The following LCORL variants were observed in gnomAD, a reference collection of about 807,000 sequenced individuals.
LCORL encodes the protein ligand dependent nuclear receptor corepressor like.
A neutral mutation model predicts 141.8 loss-of-function variants in LCORL; 41 were observed. The ratio of observed to expected loss-of-function variants is 0.29; its 90% confidence interval spans 0.23 to 0.38. The LOEUF (loss-of-function observed/expected upper bound fraction) is 0.38. Ranked by LOEUF, LCORL falls within the 10% of genes least tolerant of loss-of-function variation. The pLI is 1.00. For missense variants in LCORL, 1,759 were observed against 2,035.0 expected, an observed-to-expected ratio of 0.86 and a Z score of 2.61; for synonymous variants, 618 against 694.1, an observed-to-expected ratio of 0.89 and a Z score of 1.72.
chr4:17,919,491 G>A (rs1278564556), intron 4 of LCORL, among the ~76,000 whole-genome samples: 1 of 152,172 alleles, frequency 6.6e-6, no homozygotes, highest in Admixed American at 6.5e-5. Context: ...TGCAGGTTCA[G>A]TTCCAGATGA....
chr4:17,945,901 T>C (rs1339773683), intron 4 of LCORL, among the ~76,000 whole-genome samples: 1 of 151,868 alleles, frequency 6.6e-6, no homozygotes, highest in Non-Finnish European at 1.5e-5. Context: ...ACATAACCAC[T>C]GTTTTAAACA....
At chr4:17,922,803 C>A (rs7686934) in intron 4 of LCORL, among the ~76,000 whole-genome samples, 11,269 of 152,194 alleles carry the variant, frequency 0.074, 951 homozygotes, top group African/African-American at 0.21. Context: ...GCTGGGAACA[C>A]TGAGCTCCTA....
At chr4:17,881,271 A>G (rs996847363) in intron 6 of LCORL, 1 of 982,436 alleles carries the variant, frequency 1.0e-6, no homozygotes, top group Non-Finnish European at 1.2e-6. Flanking sequence ...GAAAATTGTC[A>G]ATTAATAAAT....
At chr4:17,962,831 A>G (rs1304903013) in intron 3 of LCORL, 139 bp downstream of exon 3, 1 of 429,622 alleles carries the variant, frequency 2.3e-6, no homozygotes, top group East Asian at 3.6e-5. Context: ...TGACTTTAAA[A>G]TATTATTTTC....
Position 17,867,040 on chromosome 4 carries a change from T to C in LCORL, c.5602+6348A>G, listed in dbSNP as rs978564635. On this transcript the variant is annotated intron_variant, in intron 7 of 7. Transcript: ENST00000635767. ...AGGTCTGGAGGCTGCAGGGAGAGAA[T>C]AAAGATTTACAAAACAGAATACAAC... 2.6e-5 allele frequency: 25 copies of C among 962,098 alleles called. No homozygotes were observed. The African/African-American group carries it at 3.7e-4, about 14-fold the overall frequency. The allele number at this position is 962,098 out of a possible 1,614,324, so 59.6% of individuals were successfully genotyped here. A position where few individuals can be genotyped will look rare whatever the true frequency, so the allele number is the denominator to read the frequency against.
At chr4:17,842,794 T>TA (rs763229422) in exon 8 of LCORL, 133 of 168,976 alleles carry the variant, frequency 7.9e-4, no homozygotes, top group Middle Eastern at 3.0e-3. Context: ...AAGCCACTGT[T>TA]AGAGCTGAAA....
intron 7 of LCORL, among the ~76,000 whole-genome samples, chr4:17,871,102 T>C (rs1229754391): frequency 6.6e-6 from 1 of 151,676 alleles, no homozygotes; most frequent in Non-Finnish European, 1.5e-5. Context: ...TAATAATGAG[T>C]TTTAGCATCA....
chr4:17,963,172 GAACT>G (rs1161391849), intron 2 of LCORL, 123 bp from the exon 3 acceptor site: 10 of 467,694 alleles, frequency 2.1e-5, no homozygotes, highest in South Asian at 5.5e-5. Context: ...AATGGGAGAA[GAACT>G]AACTTTAAAA....
intron 1 of LCORL, among the ~76,000 whole-genome samples, chr4:17,999,833 G>A (rs2109821083): frequency 6.6e-6 from 1 of 152,240 alleles, no homozygotes; most frequent in Admixed American, 6.5e-5. Flanking sequence ...GTTTCCAAAT[G>A]TCTTTTGGCA....
intron 1 of LCORL, among the ~76,000 whole-genome samples, chr4:18,011,927 CCATTA>C (rs1723870632): frequency 6.6e-6 from 1 of 152,224 alleles, no homozygotes; most frequent in Non-Finnish European, 1.5e-5. Context: ...TTCTGTCTTT[CCATTA>C]CATTACACCA....
chr4:17,989,440 A>G (rs1187413908), intron 1 of LCORL, among the ~76,000 whole-genome samples: 1 of 152,196 alleles, frequency 6.6e-6, no homozygotes, highest in Non-Finnish European at 1.5e-5. Context: ...CAAGGGCAAA[A>G]TATTTCAATG....
intron 5 of LCORL, among the ~76,000 whole-genome samples, chr4:17,906,501 T>C (rs750656176): frequency 2.6e-5 from 4 of 152,194 alleles, no homozygotes; most frequent in Non-Finnish European, 4.4e-5. Flanking sequence ...AGACTAGTTA[T>C]AGATTTATAT....
intron 1 of LCORL, among the ~76,000 whole-genome samples, chr4:17,980,688 A>C (rs554938443): frequency 6.6e-6 from 1 of 152,336 alleles, no homozygotes; most frequent in Admixed American, 6.5e-5. Flanking sequence ...TCAGAGCAGG[A>C]GTCCCCAATC....
intron 5 of LCORL, among the ~76,000 whole-genome samples, chr4:17,887,740 A>AT (rs1276241320): frequency 2.6e-5 from 4 of 152,138 alleles, no homozygotes; most frequent in African/African-American, 9.7e-5. Flanking sequence ...CATGATTTCA[A>AT]TTTAGGTTTT....
At chr4:18,002,286 T>C in intron 1 of LCORL, among the ~76,000 whole-genome samples, 1 of 152,168 alleles carries the variant, frequency 6.6e-6, no homozygotes, top group East Asian at 1.9e-4. Context: ...TTCATGAATG[T>C]AAACTGTCAG....
chr4:17,865,711 T>G (rs1002176823), intron 7 of LCORL, among the ~76,000 whole-genome samples: 1 of 152,208 alleles, frequency 6.6e-6, no homozygotes, highest in Non-Finnish European at 1.5e-5. Flanking sequence ...TCTCAAAGTG[T>G]ACTTCCAGGT....
At chr4:18,019,857 C>T (rs887672865) in intron 1 of LCORL, among the ~76,000 whole-genome samples, 2 of 152,164 alleles carry the variant, frequency 1.3e-5, no homozygotes, top group Admixed American at 1.3e-4. Context: ...CAGAAGAGAT[C>T]TTTACATAAG....
chr4:17,986,717 C>T (rs979719982), intron 1 of LCORL, among the ~76,000 whole-genome samples: 24 of 151,954 alleles, frequency 1.6e-4, no homozygotes, highest in African/African-American at 4.3e-4. Context: ...GCTGTTCTCC[C>T]GAATCTCAAT....
intron 4 of LCORL, among the ~76,000 whole-genome samples, chr4:17,934,443 A>G (rs1199191844): frequency 1.3e-5 from 2 of 152,122 alleles, no homozygotes; most frequent in Admixed American, 6.6e-5. Context: ...ATTTGATTTC[A>G]TGTTTTTTCC....
Sources: gnomAD v4.1 joint callset for allele counts (sites outside exome capture counted in the v4.1 genomes callset) on GRCh38, gnomAD v4.1.1 for gene constraint, MANE v1.5 for transcripts, NCBI Gene and HGNC (gene_info 2026-07-23, HGNC 2026-07-21) for gene names.